The following RAB6A variants were observed in gnomAD, a reference collection of about 807,000 sequenced individuals.
RAB6A encodes the protein ras-related protein Rab-6A.
Under a neutral mutation model 32.3 loss-of-function variants are expected in RAB6A, and 8 were observed. The observed-to-expected ratio is 0.25, with a 90% CI of 0.15 to 0.45. The LOEUF is 0.45. Among genes scored for constraint, RAB6A ranks in the 20% least tolerant of loss-of-function variants. RAB6A has a pLI of 1.00. For synonymous variants in RAB6A, 73 were observed against 82.1 expected (o/e 0.89, Z 0.60); for missense variants, 104 against 249.4 (o/e 0.42, Z 3.93).
intron 1 of RAB6A, among the ~76,000 whole-genome samples, chr11:73,736,824 A>AAAAAC (rs1555066487): frequency 1.4e-5 from 2 of 144,596 alleles, no homozygotes; most frequent in Non-Finnish European, 3.0e-5. Context: ...AAAAAAAAAA[A>AAAAAC]AACAATTAGC....
At chr11:73,742,574 G>A (rs1946515557) in intron 1 of RAB6A, among the ~76,000 whole-genome samples, 2 of 152,236 alleles carry the variant, frequency 1.3e-5, no homozygotes, top group African/African-American at 2.4e-5. Context: ...CACACTGGGA[G>A]GCTGAGGCAG....
chr11:73,708,895 T>C (rs1945893656), intron 5 of RAB6A, among the ~76,000 whole-genome samples: 1 of 152,200 alleles, frequency 6.6e-6, no homozygotes, highest in Admixed American at 6.5e-5. Flanking sequence ...CACTCCCTTC[T>C]TGCCTACAAG....
chr11:73,726,162 G>A (rs904260887), intron 2 of RAB6A, among the ~76,000 whole-genome samples: 2 of 151,776 alleles, frequency 1.3e-5, no homozygotes, highest in Admixed American at 1.3e-4. Flanking sequence ...GTGCGCATGT[G>A]TAGTCCCAGC....
intron 1 of RAB6A, among the ~76,000 whole-genome samples, chr11:73,733,368 G>T (rs531993233): frequency 6.6e-6 from 1 of 152,082 alleles, no homozygotes; most frequent in East Asian, 1.9e-4. Flanking sequence ...GGCCAACATG[G>T]CAAAACCTCA....
intron 5 of RAB6A, among the ~76,000 whole-genome samples, chr11:73,710,791 C>T (rs1389802488): frequency 6.7e-6 from 1 of 150,200 alleles, no homozygotes; most frequent in Non-Finnish European, 1.5e-5. Context: ...TGCTCTGTTG[C>T]ACATATAAGT....
At position 73,677,790 on chromosome 11, in the gene RAB6A, T is replaced by A; in HGVS notation, c.*108A>T. 2.5e-6 allele frequency: 4 copies of A among 1,586,064 alleles called. No individual in the cohort carries two copies. Among genetic ancestry groups the A allele is most frequent in the Non-Finnish European group, 3.5e-6 (4 of 1,157,612 alleles). ...GCAGCAATGATGAATTGCAATACGT[T>A]ATTACTGAAGGGAAAAGGTTCAAGC... On this transcript the variant is annotated 3_prime_UTR_variant, in exon 8 of 8. Transcript: ENST00000336083.
At chr11:73,757,628 A>C (rs1321684050) in intron 1 of RAB6A, among the ~76,000 whole-genome samples, 1 of 152,228 alleles carries the variant, frequency 6.6e-6, no homozygotes. Context: ...TCAACTCAAA[A>C]AAAAGTACAA....
chr11:73,695,282 T>C lies in RAB6A; in HGVS notation c.495+12138A>G, dbSNP rs1015473597. On this transcript the variant is annotated intron_variant, in intron 6 of 7. Transcript: ENST00000336083. Reference sequence around the variant, plus strand: ...CCAATGATATGCTAACAAAGGCTTCTGCCATATTAGGAATCACAAATGACT... The same window carrying C: ...CCAATGATATGCTAACAAAGGCTTCCGCCATATTAGGAATCACAAATGACT... Among the ~76,000 whole-genome samples, 11 of 152,134 alleles carry C rather than the reference T, an allele frequency of 7.2e-5. 1 individual carries two copies. Among genetic ancestry groups the C allele is most frequent in the Admixed American group, 7.2e-4 (11 of 15,284 alleles).
intron 5 of RAB6A, among the ~76,000 whole-genome samples, chr11:73,712,052 T>G (rs1305161490): frequency 6.6e-6 from 1 of 152,216 alleles, no homozygotes; most frequent in East Asian, 1.9e-4. Flanking sequence ...TTCCCTAGTT[T>G]GCCATTTGCT....
intron 2 of RAB6A, among the ~76,000 whole-genome samples, chr11:73,724,257 C>A (rs1946183428): frequency 6.6e-6 from 1 of 152,154 alleles, no homozygotes; most frequent in African/African-American, 2.4e-5. Flanking sequence ...ATGACAAAAA[C>A]ATTCACTTGA....
intron 1 of RAB6A, among the ~76,000 whole-genome samples, chr11:73,739,304 T>TATAA (rs375733945): frequency 0.023 from 717 of 31,658 alleles, 35 homozygotes; most frequent in Middle Eastern, 0.061. Context: ...TATATATATA[T>TATAA]AAATACTGGA....
chr11:73,691,810 C>T (rs911912161), intron 6 of RAB6A, among the ~76,000 whole-genome samples: 5 of 151,910 alleles, frequency 3.3e-5, no homozygotes, highest in Admixed American at 6.6e-5. Context: ...AAAATACACA[C>T]GCACACAAAA....
chr11:73,700,245 T>C (rs1945719552), intron 6 of RAB6A, among the ~76,000 whole-genome samples: 1 of 152,202 alleles, frequency 6.6e-6, no homozygotes, highest in Admixed American at 6.5e-5. Context: ...ATCATTATCA[T>C]TTCTTCAGCA....
chr11:73,712,937 C>T (rs560754351), intron 5 of RAB6A, among the ~76,000 whole-genome samples: 59 of 152,082 alleles, frequency 3.9e-4, no homozygotes, highest in African/African-American at 1.3e-3. Flanking sequence ...AGGCTGGTCT[C>T]GAACTCCTGG....
intron 1 of RAB6A, among the ~76,000 whole-genome samples, chr11:73,752,280 A>G (rs565149151): frequency 6.6e-6 from 1 of 152,204 alleles, no homozygotes; most frequent in Non-Finnish European, 1.5e-5. Context: ...AAACAGTGAA[A>G]TCACGTCTCT....
At chr11:73,704,743 T>C (rs560733438) in intron 6 of RAB6A, among the ~76,000 whole-genome samples, 19 of 151,078 alleles carry the variant, frequency 1.3e-4, no homozygotes, top group African/African-American at 3.9e-4. Context: ...ACACCTGTAA[T>C]CCCAGCACTT....
chr11:73,709,993 C>T (rs1945924328), intron 5 of RAB6A, among the ~76,000 whole-genome samples: 1 of 145,118 alleles, frequency 6.9e-6, no homozygotes, highest in African/African-American at 2.6e-5. Flanking sequence ...GAGTCTTGCT[C>T]TGTCGCCCAG....
chr11:73,705,755 A>G (rs978512078), intron 6 of RAB6A, among the ~76,000 whole-genome samples: 1 of 138,224 alleles, frequency 7.2e-6, no homozygotes, highest in African/African-American at 2.7e-5. Flanking sequence ...TTCTGGGAAT[A>G]TATAATTCCG....
At chr11:73,717,599 C>A (rs1489058284) in intron 4 of RAB6A, among the ~76,000 whole-genome samples, 2 of 152,202 alleles carry the variant, frequency 1.3e-5, no homozygotes, top group Non-Finnish European at 2.9e-5. Flanking sequence ...CATGCACCAC[C>A]ACACCTGGCT....
Sources: allele counts gnomAD v4.1 joint callset (sites outside exome capture counted in the v4.1 genomes callset), GRCh38; gene constraint gnomAD v4.1.1; transcripts MANE v1.5; gene names NCBI Gene and HGNC (gene_info 2026-07-23, HGNC 2026-07-21).